Variants in RARB observed in about 807,000 individuals in gnomAD.
RARB encodes the protein retinoic acid receptor beta, also known as HBV-activated protein.
RARB carries 17 observed loss-of-function variants against 51.9 expected under a neutral mutation model. The ratio of observed to expected loss-of-function variants is 0.33; its 90% CI spans 0.22 to 0.49. RARB has a LOEUF of 0.49. Among genes scored for constraint, RARB ranks in the 20% least tolerant of loss-of-function variants. RARB has a pLI of 0.99. For synonymous variants in RARB, 215 were observed against 195.4 expected, an observed-to-expected ratio of 1.10 and a Z score of -0.84; for missense variants, 369 against 550.8, an observed-to-expected ratio of 0.67 and a Z score of 3.30.
chr3:25,477,772 G>T (rs574553555), intron 2 of RARB, among the ~76,000 whole-genome samples: 1 of 152,152 alleles, frequency 6.6e-6, no homozygotes, highest in Non-Finnish European at 1.5e-5. Flanking sequence ...ACAAACCATC[G>T]CAAATCTTAA....
intron 5 of RARB, among the ~76,000 whole-genome samples, chr3:25,281,600 G>A (rs528018146): frequency 2.0e-5 from 3 of 152,306 alleles, no homozygotes; most frequent in South Asian, 4.1e-4. Flanking sequence ...TCAGCACTGG[G>A]CTAACAATAG....
chr3:25,258,599 C>A (rs1227783371), intron 5 of RARB, among the ~76,000 whole-genome samples: 2 of 152,012 alleles, frequency 1.3e-5, no homozygotes, highest in Non-Finnish European at 2.9e-5. Context: ...GTCATGGTGT[C>A]TTGGTCTGTT....
intron 2 of RARB, among the ~76,000 whole-genome samples, chr3:24,953,969 T>C (rs955069898): frequency 1.3e-5 from 2 of 152,208 alleles, no homozygotes; most frequent in African/African-American, 4.8e-5. Flanking sequence ...TACTTTCTTT[T>C]CTGAGCGCTC....
intron 2 of RARB, among the ~76,000 whole-genome samples, chr3:24,948,977 T>C (rs1695831597): frequency 6.6e-6 from 1 of 152,210 alleles, no homozygotes; most frequent in Non-Finnish European, 1.5e-5. Flanking sequence ...TGTTCCTTTA[T>C]AGTGACACAG....
chr3:25,037,434 G>A (rs761751872), intron 2 of RARB, among the ~76,000 whole-genome samples: 1 of 152,012 alleles, frequency 6.6e-6, no homozygotes, highest in Non-Finnish European at 1.5e-5. Flanking sequence ...TTCCCTGACT[G>A]TTTTGTTCAC....
chr3:24,942,597 A>C (rs1695690453), intron 2 of RARB, among the ~76,000 whole-genome samples: 1 of 152,200 alleles, frequency 6.6e-6, no homozygotes, highest in Admixed American at 6.5e-5. Flanking sequence ...TTACTACCTA[A>C]GTGACCTTAG....
intron 2 of RARB, among the ~76,000 whole-genome samples, chr3:24,927,187 T>C (rs17015473): frequency 0.039 from 5,925 of 152,198 alleles, 233 homozygotes; most frequent in East Asian, 0.18. Flanking sequence ...TGTTATTCAG[T>C]AAAACTCGTA....
intron 5 of RARB, among the ~76,000 whole-genome samples, chr3:25,404,678 C>T (rs910062338): frequency 1.3e-5 from 2 of 152,064 alleles, no homozygotes; most frequent in African/African-American, 2.4e-5. Context: ...GAAGAAAACG[C>T]CAACAAATTA....
chr3:25,363,593 C>G (rs537283146), intron 5 of RARB, among the ~76,000 whole-genome samples: 3 of 152,296 alleles, frequency 2.0e-5, no homozygotes, highest in East Asian at 3.9e-4. Flanking sequence ...GGTCTACAAT[C>G]TAATGACTTC....
At chr3:25,476,532 T>A (rs62237633) in intron 2 of RARB, among the ~76,000 whole-genome samples, 3 of 152,172 alleles carry the variant, frequency 2.0e-5, no homozygotes, top group African/African-American at 7.2e-5. Context: ...GAAAAAAAAT[T>A]GTGTGGCACC....
At chr3:25,390,135 A>G (rs1380171408) in intron 5 of RARB, among the ~76,000 whole-genome samples, 4 of 152,080 alleles carry the variant, frequency 2.6e-5, no homozygotes, top group African/African-American at 9.7e-5. Context: ...AAGAGGTGGG[A>G]CTTTTAGGAG....
At chr3:25,290,204 C>G (rs574832960) in intron 5 of RARB, among the ~76,000 whole-genome samples, 1 of 152,272 alleles carries the variant, frequency 6.6e-6, no homozygotes, top group African/African-American at 2.4e-5. Context: ...GACTTATGAA[C>G]ATAACTACGT....
chr3:24,888,801 G>A (rs1386151239), intron 2 of RARB, among the ~76,000 whole-genome samples: 1 of 152,166 alleles, frequency 6.6e-6, no homozygotes, highest in African/African-American at 2.4e-5. Context: ...TATTCTTGTT[G>A]TAGAATATGT....
intron 5 of RARB, among the ~76,000 whole-genome samples, chr3:25,411,416 G>GTA (rs1707559411): frequency 6.6e-6 from 1 of 152,184 alleles, no homozygotes; most frequent in Non-Finnish European, 1.5e-5. Context: ...CCCATCTTGG[G>GTA]AGATCCAGTG....
At chr3:25,407,858 G>A (rs1165466068) in intron 5 of RARB, among the ~76,000 whole-genome samples, 1 of 152,058 alleles carries the variant, frequency 6.6e-6, no homozygotes, top group Non-Finnish European at 1.5e-5. Flanking sequence ...AAGATGGGAA[G>A]TTGGTGGATA....
At chr3:24,848,993 C>T (rs1052111370) in intron 1 of RARB, among the ~76,000 whole-genome samples, 5 of 152,220 alleles carry the variant, frequency 3.3e-5, no homozygotes, top group Non-Finnish European at 5.9e-5. Context: ...TGTCTGCTTA[C>T]ACTTCCTTAA....
intron 5 of RARB, among the ~76,000 whole-genome samples, chr3:25,313,307 G>A (rs1187580388): frequency 6.6e-6 from 1 of 152,144 alleles, no homozygotes; most frequent in African/African-American, 2.4e-5. Flanking sequence ...ACATGCATAT[G>A]TGGTTCAGGT....
intron 5 of RARB, among the ~76,000 whole-genome samples, chr3:25,232,973 C>CTT (rs71061205): frequency 0.02 from 2,362 of 118,738 alleles, 57 homozygotes; most frequent in African/African-American, 0.044. Context: ...TTTTCTTTTT[C>CTT]TTTTTTTTTT....
At position 24,874,659 on chromosome 3, in the gene RARB, C is replaced by T. The variant is rs556607060; in HGVS notation, c.-380+15907C>T. 3.4e-4 allele frequency among the ~76,000 whole-genome samples: 51 copies of T among 151,838 alleles called. No homozygotes were observed. The South Asian group carries it at 9.8e-3, about 29-fold the overall frequency. On this transcript the variant is annotated intron_variant, in intron 2 of 11. Transcript: ENST00000383772. ...CATTTCTTTTTCTATTTTCTACTTC[C>T]AATTTTATTTTGCCTCTTTACATAG...
Sources: allele counts gnomAD v4.1 joint callset (sites outside exome capture counted in the v4.1 genomes callset), GRCh38; gene constraint gnomAD v4.1.1; transcripts MANE v1.5; gene names NCBI Gene and HGNC (gene_info 2026-07-23, HGNC 2026-07-21).